Variants in ZMYM4 observed in about 807,000 individuals in gnomAD.
The protein encoded by ZMYM4 is zinc finger MYM-type containing 4.
A neutral mutation model predicts 183.2 loss-of-function variants in ZMYM4; 31 were observed. The ratio of observed to expected loss-of-function variants is 0.17; its 90% CI spans 0.13 to 0.23. ZMYM4 has a LOEUF of 0.23. Ranked by LOEUF, ZMYM4 falls within the 10% of genes least tolerant of loss-of-function variation. The pLI, the probability that ZMYM4 is intolerant of heterozygous loss-of-function variation, is 1.00. For missense variants in ZMYM4, 1,273 were observed against 1,840.3 expected (o/e 0.69, Z 5.64); for synonymous variants, 592 against 631.2 (o/e 0.94, Z 0.93).
chr1:35,390,069 T>G lies in ZMYM4; in HGVS notation c.2558T>G (p.Val853Gly), dbSNP rs1445251225. ...CILMFCNQQS[V>G]CDPPSQNNAA... Reference sequence around the variant, plus strand: ...TTGATGTTCTGTAATCAGCAAAGTGTATGTGACCCGCCTTCACAAAATAAT... The same window carrying G: ...TTGATGTTCTGTAATCAGCAAAGTGGATGTGACCCGCCTTCACAAAATAAT... Residue 853 changes from valine (V) to glycine (G), a missense_variant, in exon 15 of 30, where the codon GTA (valine) becomes GGA (glycine). Val to Gly is a moderately radical substitution (Grantham distance 109, BLOSUM62 -3). This residue lies in a region of ZMYM4 where 290 missense variants were observed against 353.3 expected (regional missense o/e 0.82). Coordinates refer to ENST00000314607, the MANE Select transcript of ZMYM4 (RefSeq NM_005095.3). The G allele has an allele frequency of 6.2e-7, 1 of 1,613,790 alleles. No homozygotes were observed. Among genetic ancestry groups the G allele is most frequent in the Non-Finnish European group, 8.5e-7 (1 of 1,179,830 alleles).
At chr1:35,402,116 T>TAAA (rs35016137) in intron 23 of ZMYM4, among the ~76,000 whole-genome samples, 5 of 124,768 alleles carry the variant, frequency 4.0e-5, no homozygotes, top group Non-Finnish European at 5.2e-5. Flanking sequence ...TCAATTTCTT[T>TAAA]AAAAAAAAAA....
In ZMYM4 at chr1:35,359,093, T is replaced by G. The variant is rs185378790; in HGVS notation, c.254T>G (p.Val85Gly). The G allele has an allele frequency of 3.5e-4, 569 of 1,613,818 alleles. 2 individuals carry two copies. The highest frequency in any genetic ancestry group is 1.1e-4 in the Non-Finnish European group (128 of 1,179,756). ...GGGGATCTTGCAGGAATTCCAGTCG[T>G]TGGTAGTGACAATGAGGATGAACAG... The part of the protein sequence containing the change: ...NSGDLAGIPV[V>G]GSDNEDEQDF... The change falls in exon 3 of 30, where the codon GTT becomes GGT. Residue 85 changes from valine (V) to glycine (G), a missense_variant. Physicochemically the swap from Val to Gly is moderately radical, Grantham distance 109. This residue lies in a region of ZMYM4 where 384 missense variants were observed against 465.6 expected (regional missense o/e 0.82). Coordinates refer to ENST00000314607, the MANE Select transcript of ZMYM4 (RefSeq NM_005095.3).
At chr1:35,405,830 A>G (rs1644993533) in intron 25 of ZMYM4, among the ~76,000 whole-genome samples, 1 of 151,478 alleles carries the variant, frequency 6.6e-6, no homozygotes, top group Non-Finnish European at 1.5e-5. Flanking sequence ...ATTTTTCCTT[A>G]CAGTGAGATC....
intron 1 of ZMYM4, among the ~76,000 whole-genome samples, chr1:35,272,941 C>G (rs1035199193): frequency 6.6e-6 from 1 of 152,146 alleles, no homozygotes; most frequent in Admixed American, 6.5e-5. Context: ...GTCTCGATCT[C>G]CTGACCTCGT....
intron 1 of ZMYM4, among the ~76,000 whole-genome samples, chr1:35,303,170 T>C (rs1159324268): frequency 6.6e-6 from 1 of 151,240 alleles, no homozygotes; most frequent in African/African-American, 2.4e-5. Flanking sequence ...TTGCCTGTAG[T>C]GCCAGCTACT....
In ZMYM4 at chr1:35,309,992, C is replaced by G. The variant is rs1489292707; in HGVS notation, c.40-15368C>G. On this transcript the variant is annotated intron_variant, in intron 1 of 29. Transcript: ENST00000314607. ...GCCCAAGGTCTAGAGTGCAATGGCG[C>G]GATCTCGGCTCACTGCTACCTCCGC... Among the ~76,000 whole-genome samples the G allele has an allele frequency of 1.3e-5, 2 of 149,158 alleles. 1 individual carries two copies. The highest frequency in any genetic ancestry group is 4.2e-4 in the South Asian group (2 of 4,744).
At chr1:35,375,779 T>TA (rs1473761436) in intron 7 of ZMYM4, among the ~76,000 whole-genome samples, 1 of 152,230 alleles carries the variant, frequency 6.6e-6, no homozygotes, top group East Asian at 1.9e-4. Flanking sequence ...TAATTTGTTT[T>TA]AAAAAATTTG....
chr1:35,391,785 G>A (rs1644710034), intron 15 of ZMYM4, among the ~76,000 whole-genome samples: 1 of 151,300 alleles, frequency 6.6e-6, no homozygotes, highest in Admixed American at 6.6e-5. Context: ...GCTCATGCCT[G>A]TAATCTCAGC....
intron 1 of ZMYM4, among the ~76,000 whole-genome samples, chr1:35,277,235 A>G (rs1175340920): frequency 6.6e-6 from 1 of 152,184 alleles, no homozygotes; most frequent in Non-Finnish European, 1.5e-5. Flanking sequence ...AAATTTACCA[A>G]GTGATTTCAG....
At chr1:35,282,254 G>C (rs141180452) in intron 1 of ZMYM4, among the ~76,000 whole-genome samples, 1 of 152,192 alleles carries the variant, frequency 6.6e-6, no homozygotes, top group African/African-American at 2.4e-5. Flanking sequence ...GGATAGTGGG[G>C]ACACTGCCCT....
At chr1:35,355,200 C>CTTTTTTTTTTTTTTTT in intron 2 of ZMYM4, among the ~76,000 whole-genome samples, 1 of 77,198 alleles carries the variant, frequency 1.3e-5, no homozygotes, top group East Asian at 3.2e-4. Context: ...CGCCTGGCTT[C>CTTTTTTTTTTTTTTTT]TTTTTTTTTT....
At chr1:35,416,927 G>T (rs998481571) in intron 28 of ZMYM4, among the ~76,000 whole-genome samples, 1 of 152,144 alleles carries the variant, frequency 6.6e-6, no homozygotes, top group Non-Finnish European at 1.5e-5. Flanking sequence ...TGCTGATTGG[G>T]TGCTTGACAT....
intron 2 of ZMYM4, among the ~76,000 whole-genome samples, chr1:35,342,966 G>A (rs1241784311): frequency 6.6e-6 from 1 of 152,170 alleles, no homozygotes; most frequent in Non-Finnish European, 1.5e-5. Context: ...ACAGGCAAGA[G>A]AATCCTGAGC....
At chr1:35,415,805 A>G in intron 28 of ZMYM4, 91 bp downstream of exon 28, 5 of 1,465,914 alleles carry the variant, frequency 3.4e-6, no homozygotes, top group Non-Finnish European at 4.6e-6. Flanking sequence ...TATAAATGCT[A>G]GACGTGAAAG....
chr1:35,374,672 C>CA (rs34853951), intron 7 of ZMYM4, among the ~76,000 whole-genome samples: 9,340 of 105,690 alleles, frequency 0.088, 853 homozygotes, highest in East Asian at 0.47. Flanking sequence ...ATCTCCGTCT[C>CA]AAAAAAAAAA....
chr1:35,379,247 C>T (rs1000362972), intron 7 of ZMYM4, among the ~76,000 whole-genome samples: 4 of 152,070 alleles, frequency 2.6e-5, no homozygotes, highest in African/African-American at 9.7e-5. Flanking sequence ...ACTACAGTCA[C>T]GCGCCACCAC....
At chr1:35,404,607 A>C (rs1370898380) in intron 23 of ZMYM4, among the ~76,000 whole-genome samples, 1 of 152,064 alleles carries the variant, frequency 6.6e-6, no homozygotes, top group Admixed American at 6.6e-5. Context: ...TTTTTTGGAC[A>C]TCTATGCATC....
At chr1:35,284,330 C>T (rs1640362761) in intron 1 of ZMYM4, among the ~76,000 whole-genome samples, 1 of 152,152 alleles carries the variant, frequency 6.6e-6, no homozygotes. Flanking sequence ...GTAGCTTATG[C>T]TTTTGGTATC....
In ZMYM4 at chr1:35,269,067, G is replaced by C. The variant is rs1459406744; in HGVS notation, c.21G>C (p.Glu7Asp). 5.8e-6 allele frequency: 9 copies of C among 1,549,596 alleles called. No individual in the cohort carries two copies. In the South Asian group the frequency reaches 1.1e-4, roughly 18 times the overall value. MAEREV[E>D]SGPRKRFEQK... ...CCAACATGGCGGAGAGAGAGGTGGAGTCCGGCCCCCGAAAGAGGGTAGGTG... is the reference window on the plus strand; with the variant it reads ...CCAACATGGCGGAGAGAGAGGTGGACTCCGGCCCCCGAAAGAGGGTAGGTG... The change falls in exon 1 of 30, where the codon GAG becomes GAC. Residue 7 changes from glutamate (E) to aspartate (D), a missense_variant. Glu to Asp is a conservative substitution (Grantham distance 45). Coordinates refer to ENST00000314607, the MANE Select transcript of ZMYM4 (RefSeq NM_005095.3).
Sources: allele counts gnomAD v4.1 joint callset (sites outside exome capture counted in the v4.1 genomes callset), GRCh38; gene constraint gnomAD v4.1.1; regional missense constraint gnomAD v4.1.1; transcripts MANE v1.5; gene names NCBI Gene and HGNC (gene_info 2026-07-23, HGNC 2026-07-21).